The following INO80 variants were observed in gnomAD, a reference collection of about 807,000 sequenced individuals.
INO80 encodes chromatin-remodeling ATPase INO80.
INO80 carries 20 observed loss-of-function variants against 203.4 expected under a neutral mutation model. The observed-to-expected ratio is 0.10, with a 90% CI of 0.07 to 0.14. INO80 has a LOEUF of 0.14. Ranked by LOEUF, INO80 falls within the 10% of genes least tolerant of loss-of-function variation. The pLI is 1.00. For missense variants in INO80, 1,419 were observed against 1,914.4 expected (o/e 0.74, Z 4.83); for synonymous variants, 726 against 685.2 (o/e 1.06, Z -0.93).
chr15:41,025,981 T>C (rs2044369295), intron 25 of INO80, among the ~76,000 whole-genome samples: 1 of 152,166 alleles, frequency 6.6e-6, no homozygotes, highest in South Asian at 2.1e-4. Flanking sequence ...CAAGAATACT[T>C]TGGAAGAACA....
chr15:41,087,717 C>T (rs779269734), intron 5 of INO80, 35 bp from the exon 6 acceptor site: 8 of 1,583,648 alleles, frequency 5.1e-6, no homozygotes, highest in Non-Finnish European at 6.0e-6. Flanking sequence ...GGCCTGTTTT[C>T]TATAGTACAG....
chr15:41,096,280 C>T lies in INO80; in HGVS notation c.31G>A (p.Gly11Arg). 1.9e-6 allele frequency: 3 copies of T among 1,605,298 alleles called. No homozygotes were observed. The highest frequency in any genetic ancestry group is 1.1e-5 in the South Asian group (1 of 89,404). MASELGARDD[G>R]GCTELAKPLY... Reference sequence around the variant, plus strand: ...GGCTTTGCCAGCTCAGTGCAGCCTCCATCATCCCTGGCACCCAACTCCGAG... The same window carrying T: ...GGCTTTGCCAGCTCAGTGCAGCCTCTATCATCCCTGGCACCCAACTCCGAG... The change falls in exon 2 of 36, where the codon GGA (glycine) becomes AGA (arginine). Residue 11 changes from glycine (G) to arginine (R), a missense_variant. By Grantham distance (125) the Gly-to-Arg change is moderately radical. This residue lies in a region of INO80 where 323 missense variants were observed against 325.4 expected (regional missense o/e 0.99). Transcript: ENST00000648947.
intron 31 of INO80, among the ~76,000 whole-genome samples, chr15:40,985,804 A>G (rs559367225): frequency 1.3e-5 from 2 of 152,212 alleles, no homozygotes; most frequent in African/African-American, 4.8e-5. Context: ...GCTACCCCAG[A>G]GGCTGAGTCA....
In INO80 at chr15:41,092,189, A is replaced by C; in HGVS notation, c.382-7T>G. 6.3e-7 allele frequency: 1 copy of C among 1,575,934 alleles called. No homozygotes were observed. Among genetic ancestry groups the C allele is most frequent in the Non-Finnish European group, 8.7e-7 (1 of 1,151,316 alleles). ...CATCACTTAGCAGAATGCTCTGAAA[A>C]GGGTGAAAATAGAAATGTATCTTTT... On this transcript the variant is annotated splice_region_variant and splice_polypyrimidine_tract_variant and intron_variant, in intron 4 of 35. Coordinates refer to ENST00000648947, the MANE Select transcript of INO80 (RefSeq NM_017553.3).
At position 40,980,272 on chromosome 15, in the gene INO80, G is replaced by A. The variant is rs778654808; in HGVS notation, c.4622C>T (p.Ser1541Phe). 22 of 1,613,488 alleles carry A rather than the reference G, an allele frequency of 1.4e-5. No individual in the cohort carries two copies. The South Asian group carries it at 2.3e-4, about 17-fold the overall frequency. The stretch of plus-strand genomic sequence containing the variant: ...GCCTTTGCCCTGTTTCCGGACCAGA[G>A]AGTCTGGGGCTAGGCTGCTGGTCAT... ...LHMTSSLAPD[S>F]LVRKQGKGTN... Residue 1541 changes from serine to phenylalanine, a missense_variant, in exon 36 of 36, where the codon TCT becomes TTT. Ser to Phe is a radical substitution (Grantham distance 155). Around this residue, in one of 9 missense-constraint regions of INO80, gnomAD observed 112 missense variants for 106.2 expected, o/e 1.05. Coordinates refer to ENST00000648947, the MANE Select transcript of INO80 (RefSeq NM_017553.3).
Position 41,079,758 on chromosome 15 carries a change from G to A in INO80, c.1074C>T (p.Arg358=), listed in dbSNP as rs982391977. ...CCAAAGCTTCCTTCTCTGCTCTCTT[G>A]CGGTGCTCCTTCTCTACTTTCTCAT... ...KKYEKVEKEH[R]KRAEKEALEQ... Residue 358 remains arginine, a synonymous_variant, in exon 9 of 36, where the codon CGC becomes CGT. Coordinates refer to ENST00000648947, the MANE Select transcript of INO80 (RefSeq NM_017553.3). 1.9e-6 allele frequency: 3 copies of A among 1,614,068 alleles called. No homozygotes were observed. Among genetic ancestry groups the A allele is most frequent in the Non-Finnish European group, 2.5e-6 (3 of 1,180,004 alleles).
At chr15:41,100,663 T>C (rs1180702809) in intron 1 of INO80, among the ~76,000 whole-genome samples, 3 of 152,172 alleles carry the variant, frequency 2.0e-5, no homozygotes, top group Admixed American at 6.6e-5. Flanking sequence ...AGAAGTCCTA[T>C]GATGACATCT....
chr15:41,107,647 A>G (rs2045899827), intron 1 of INO80, among the ~76,000 whole-genome samples: 1 of 151,828 alleles, frequency 6.6e-6, no homozygotes, highest in African/African-American at 2.4e-5. Flanking sequence ...TAAAAATATA[A>G]AAATTAGCTG....
chr15:41,090,925 CTTT>C (rs60647460), intron 5 of INO80, among the ~76,000 whole-genome samples: 2 of 124,478 alleles, frequency 1.6e-5, no homozygotes. Flanking sequence ...TTTAGAAATT[CTTT>C]TTTTTTTTTT....
Position 41,096,301 on chromosome 15 carries a change from C to T in INO80, c.10G>A (p.Glu4Lys). ...CCTCCATCATCCCTGGCACCCAACT[C>T]CGAGGCCATAGAACAAATCTGTCTT... Reference protein sequence around the residue: MASELGARDDGGCT... With the variant: MASKLGARDDGGCT... The change falls in exon 2 of 36, where the codon GAG (glutamate) becomes AAG (lysine). Residue 4 changes from glutamate to lysine, a missense_variant. By Grantham distance (56) the Glu-to-Lys change is moderately conservative (BLOSUM62 1). Around this residue, in one of 9 missense-constraint regions of INO80, gnomAD observed 323 missense variants for 325.4 expected, o/e 0.99. Coordinates refer to ENST00000648947, the MANE Select transcript of INO80 (RefSeq NM_017553.3). The T allele has an allele frequency of 2.5e-6, 4 of 1,594,698 alleles. No individual in the cohort carries two copies. The highest frequency in any genetic ancestry group is 3.4e-6 in the Non-Finnish European group (4 of 1,174,806).
intron 24 of INO80, among the ~76,000 whole-genome samples, chr15:41,038,564 G>GATTTTTAA (rs1281506806): frequency 2.0e-5 from 3 of 152,058 alleles, no homozygotes; most frequent in Admixed American, 2.0e-4. Context: ...AACTTGATAT[G>GATTTTTAA]GAACTTAAGA....
At chr15:41,066,061 C>G (rs2140575679) in intron 14 of INO80, among the ~76,000 whole-genome samples, 1 of 151,356 alleles carries the variant, frequency 6.6e-6, no homozygotes, top group East Asian at 1.9e-4. Flanking sequence ...TCACCACAAC[C>G]TCTGCCTCCT....
At chr15:41,039,718 C>T (rs910708064) in intron 24 of INO80, among the ~76,000 whole-genome samples, 1 of 152,258 alleles carries the variant, frequency 6.6e-6, no homozygotes, top group East Asian at 1.9e-4. Context: ...ATGCCCTCCA[C>T]GGACCTTTGA....
intron 25 of INO80, among the ~76,000 whole-genome samples, chr15:41,021,404 C>G (rs568426534): frequency 6.6e-6 from 1 of 152,306 alleles, no homozygotes; most frequent in East Asian, 1.9e-4. Context: ...AGCAATAACT[C>G]TATTATATGC....
At chr15:41,007,194 T>TC (rs2044057645) in intron 27 of INO80, among the ~76,000 whole-genome samples, 2 of 147,478 alleles carry the variant, frequency 1.4e-5, no homozygotes, top group South Asian at 4.4e-4. Flanking sequence ...TTTTTTTTTT[T>TC]TTTTTTTTAG....
At chr15:40,984,882 G>A (rs906672045) in intron 32 of INO80, among the ~76,000 whole-genome samples, 3 of 152,198 alleles carry the variant, frequency 2.0e-5, no homozygotes, top group Admixed American at 6.5e-5. Flanking sequence ...AATCCTTGGT[G>A]TGAACTAGAG....
intron 23 of INO80, among the ~76,000 whole-genome samples, chr15:41,046,854 G>C (rs556585366): frequency 1.3e-5 from 2 of 151,838 alleles, no homozygotes; most frequent in Non-Finnish European, 2.9e-5. Flanking sequence ...CTGACCTTAA[G>C]TGATCCACCC....
chr15:41,095,816 C>A lies in INO80; in HGVS notation c.256G>T (p.Gly86Ter). 6.2e-7 allele frequency: 1 copy of A among 1,614,166 alleles called. No homozygotes were observed. Among genetic ancestry groups the A allele is most frequent in the Non-Finnish European group, 8.5e-7 (1 of 1,180,030 alleles). The change falls in exon 3 of 36, where the codon GGA becomes TGA. Residue 86 changes from glycine to a stop codon, truncating the protein, a stop_gained. Coordinates refer to ENST00000648947, the MANE Select transcript of INO80 (RefSeq NM_017553.3). LOFTEE classifies it high-confidence loss of function. ...PPNSLLGETS[G>*]AGSSGMLNTY... ...TTTAACATTCCAGAACTGCCTGCTCCAGAAGTTTCACCAAGCAATGAATTT... is the reference window on the plus strand; with the variant it reads ...TTTAACATTCCAGAACTGCCTGCTCAAGAAGTTTCACCAAGCAATGAATTT...
chr15:41,085,740 A>G (rs911762043), intron 6 of INO80, among the ~76,000 whole-genome samples, 157 bp from the exon 7 acceptor site: 12 of 152,210 alleles, frequency 7.9e-5, no homozygotes, highest in African/African-American at 2.9e-4. Context: ...TCCTTGAGGA[A>G]GAAAAGTAAC....
Sources: gnomAD v4.1 joint callset for allele counts (sites outside exome capture counted in the v4.1 genomes callset) on GRCh38, gnomAD v4.1.1 for gene constraint, gnomAD v4.1.1 regional missense constraint, MANE v1.5 for transcripts, NCBI Gene and HGNC (gene_info 2026-07-23, HGNC 2026-07-21) for gene names.